The following VDAC1 variants were observed in gnomAD, a reference collection of about 807,000 sequenced individuals.
VDAC1 encodes the protein voltage dependent anion channel 1.
In VDAC1, 10 loss-of-function variants were observed where a neutral mutation model predicts 34.7. That is an observed-to-expected ratio of 0.29 (90% confidence interval 0.18 to 0.49). VDAC1 has a LOEUF of 0.49. Ranked by LOEUF, VDAC1 falls within the 20% of genes least tolerant of loss-of-function variation. The pLI is 0.99. For synonymous variants in VDAC1, 130 were observed against 136.0 expected, an observed-to-expected ratio of 0.96 and a Z score of 0.30; for missense variants, 230 against 347.9, an observed-to-expected ratio of 0.66 and a Z score of 2.69.
chr5:134,043,252 C>T, the VDAC1 span, among the ~76,000 whole-genome samples: 2 of 152,162 alleles, frequency 1.3e-5, no homozygotes, highest in Non-Finnish European at 2.9e-5. Flanking sequence ...CTCACCTCTC[C>T]GAATAGTTTC....
At chr5:134,056,924 G>A in the VDAC1 span, among the ~76,000 whole-genome samples, 9 of 151,568 alleles carry the variant, frequency 5.9e-5, no homozygotes, top group Admixed American at 1.3e-4. Flanking sequence ...CAGGTGATCC[G>A]CTCCCCCCTC....
chr5:133,993,720 C>T (rs1753193173), intron 1 of VDAC1, among the ~76,000 whole-genome samples: 1 of 150,046 alleles, frequency 6.7e-6, no homozygotes, highest in Admixed American at 6.7e-5. Context: ...ATTTTTAAAA[C>T]CAACCATCAA....
chr5:134,026,853 A>G, the VDAC1 span, among the ~76,000 whole-genome samples: 1 of 152,236 alleles, frequency 6.6e-6, no homozygotes. Flanking sequence ...TGAAACTGGC[A>G]TCAGATTCCC....
At chr5:134,017,421 A>T in the VDAC1 span, among the ~76,000 whole-genome samples, 3 of 151,864 alleles carry the variant, frequency 2.0e-5, no homozygotes, top group Non-Finnish European at 2.9e-5. Context: ...ACACCATCGC[A>T]CTCCAGCCTG....
At chr5:134,114,076 A>T in the VDAC1 span, among the ~76,000 whole-genome samples, 1 of 152,166 alleles carries the variant, frequency 6.6e-6, no homozygotes, top group Non-Finnish European at 1.5e-5. Context: ...CAGATGTGTG[A>T]TGTATAAGCT....
At chr5:133,988,349 G>A (rs11242199) in intron 5 of VDAC1, among the ~76,000 whole-genome samples, 31,384 of 151,914 alleles carry the variant, frequency 0.21, 3,496 homozygotes, top group East Asian at 0.45. Flanking sequence ...CACTTTGGGA[G>A]GCTGAGGTGG....
In VDAC1 at chr5:133,991,050, T is replaced by C. The variant is rs1348430195; in HGVS notation, c.222A>G (p.Lys74=). 6.2e-7 allele frequency: 1 copy of C among 1,614,112 alleles called. No individual in the cohort carries two copies. The highest frequency in any genetic ancestry group is 1.3e-5 in the African/African-American group (1 of 74,928). ...TGCCTAGTGTATTGTCGGTATTCCA[T>C]TTCTCTGTAAACGTCAGGCCGTACT... ...WTEYGLTFTE[K]WNTDNTLGTE... The change falls in exon 4 of 9, where the codon AAA becomes AAG. Residue 74 remains lysine (K), a synonymous_variant. Coordinates refer to ENST00000265333, the MANE Select transcript of VDAC1 (RefSeq NM_003374.3).
chr5:134,027,674 G>T, the VDAC1 span, among the ~76,000 whole-genome samples: 1,214 of 150,944 alleles, frequency 8.0e-3, 11 homozygotes, highest in African/African-American at 0.027. Context: ...ACTTTCATTT[G>T]TTTCAATTAC....
chr5:133,993,384 T>G (rs926540073), intron 1 of VDAC1, among the ~76,000 whole-genome samples: 1 of 152,246 alleles, frequency 6.6e-6, no homozygotes, highest in African/African-American at 2.4e-5. Context: ...ATTGTAGGAC[T>G]GTTGCCAATA....
chr5:134,032,537 A>G, the VDAC1 span, among the ~76,000 whole-genome samples: 4 of 152,230 alleles, frequency 2.6e-5, no homozygotes, highest in African/African-American at 9.6e-5. Flanking sequence ...ATAATTGCTG[A>G]ATACTGGAAA....
the VDAC1 span, among the ~76,000 whole-genome samples, chr5:134,106,874 C>T: frequency 6.6e-6 from 1 of 152,210 alleles, no homozygotes; most frequent in African/African-American, 2.4e-5. Flanking sequence ...CATCTTTCTC[C>T]TTCCAGTTCC....
chr5:134,088,127 C>A, the VDAC1 span, among the ~76,000 whole-genome samples: 1 of 152,048 alleles, frequency 6.6e-6, no homozygotes, highest in Non-Finnish European at 1.5e-5. Context: ...TGCACTCCAG[C>A]CTGGGTGACA....
At position 134,001,785 on chromosome 5, in the gene VDAC1, G is replaced by A. The variant is rs1753568825; in HGVS notation, c.-7+3110C>T. 2.7e-5 allele frequency among the ~76,000 whole-genome samples: 4 copies of A among 150,206 alleles called. No homozygotes were observed. In the South Asian group the frequency reaches 6.3e-4, roughly 24 times the overall value. ...ACAGTGACTTGACCTGTATGAGACC[G>A]ACCCTATGGCTCACCAGACCTGTGT... On this transcript the variant is annotated intron_variant, in intron 1 of 8. Transcript: ENST00000265333.
upstream of VDAC1, among the ~76,000 whole-genome samples, chr5:134,006,750 A>ACCCCCCC (rs1561605416): frequency 3.1e-5 from 2 of 64,876 alleles, no homozygotes; most frequent in African/African-American, 1.4e-4. Flanking sequence ...CCCCCCCCCA[A>ACCCCCCC]AAAAAAAAAA....
At chr5:134,001,212 G>A (rs758744200) in intron 1 of VDAC1, among the ~76,000 whole-genome samples, 3 of 152,172 alleles carry the variant, frequency 2.0e-5, no homozygotes, top group Non-Finnish European at 4.4e-5. Context: ...TTCAGACCAG[G>A]CCTTGAATCC....
chr5:134,009,311 G>C (rs573479206), upstream of VDAC1, among the ~76,000 whole-genome samples: 1 of 136,224 alleles, frequency 7.3e-6, no homozygotes, highest in East Asian at 2.2e-4. Context: ...GCTGGAGTAC[G>C]GTGGCATGAT....
chr5:133,980,626 G>A, intron 6 of VDAC1, 103 bp downstream of exon 6: 1 of 981,984 alleles, frequency 1.0e-6, no homozygotes, highest in Non-Finnish European at 1.5e-6. Context: ...TTAAAAACTG[G>A]GCTTTCTTAA....
At chr5:134,073,166 G>A in the VDAC1 span, among the ~76,000 whole-genome samples, 1 of 152,188 alleles carries the variant, frequency 6.6e-6, no homozygotes, top group African/African-American at 2.4e-5. Flanking sequence ...CTCCCAAAGG[G>A]ATGCCAGGTA....
chr5:134,024,549 A>T, the VDAC1 span, among the ~76,000 whole-genome samples: 2 of 151,922 alleles, frequency 1.3e-5, no homozygotes, highest in Admixed American at 6.6e-5. Context: ...AGAAAAAAAA[A>T]AAAACCTGGC....
Sources: allele counts gnomAD v4.1 joint callset (sites outside exome capture counted in the v4.1 genomes callset), GRCh38; gene constraint gnomAD v4.1.1; transcripts MANE v1.5; gene names NCBI Gene and HGNC (gene_info 2026-07-23, HGNC 2026-07-21).